The following TOP2B variants were observed in gnomAD, a reference collection of about 807,000 sequenced individuals.
TOP2B encodes the protein DNA topoisomerase II beta, also known as DNA topoisomerase 2-beta.
In TOP2B, 51 loss-of-function variants were observed where a neutral mutation model predicts 193.5. The observed-to-expected ratio is 0.26, with a 90% confidence interval of 0.21 to 0.33. The LOEUF (loss-of-function observed/expected upper bound fraction) is 0.33, where lower values mean the gene tolerates loss of function less well. Among genes scored for constraint, TOP2B ranks in the 10% least tolerant of loss-of-function variants. The pLI, the probability that TOP2B is intolerant of heterozygous loss-of-function variation, is 1.00. For missense variants in TOP2B, 1,378 were observed against 1,909.3 expected (o/e 0.72, Z 5.19); for synonymous variants, 634 against 635.7 (o/e 1.00, Z 0.04).
chr3:25,644,663 T>C (rs1180257727), intron 2 of TOP2B, among the ~76,000 whole-genome samples: 2 of 114,986 alleles, frequency 1.7e-5, no homozygotes, highest in Non-Finnish European at 3.4e-5. Context: ...ATCACACTAC[T>C]ACACTCCAGC....
intron 25 of TOP2B, among the ~76,000 whole-genome samples, chr3:25,617,836 T>C (rs1702544538): frequency 6.6e-6 from 1 of 152,216 alleles, no homozygotes; most frequent in Non-Finnish European, 1.5e-5. Context: ...TATTACTATT[T>C]TGTGATCTGC....
chr3:25,604,930 T>TC, intron 32 of TOP2B, 60 bp from the exon 33 acceptor site: 1 of 1,277,156 alleles, frequency 7.8e-7, no homozygotes, highest in South Asian at 1.2e-5. Flanking sequence ...TCAGTAAACT[T>TC]TGACTCTTTT....
chr3:25,660,932 A>G (rs962612019), intron 1 of TOP2B, among the ~76,000 whole-genome samples: 1 of 152,088 alleles, frequency 6.6e-6, no homozygotes, highest in Admixed American at 6.5e-5. Flanking sequence ...AGAGAAAGTG[A>G]TAAAATTCTA....
At chr3:25,627,885 C>T (rs1702848305) in intron 15 of TOP2B, among the ~76,000 whole-genome samples, 1 of 151,256 alleles carries the variant, frequency 6.6e-6, no homozygotes, top group Admixed American at 6.6e-5. Flanking sequence ...CCCTGGCCAA[C>T]ACAGCAAAAC....
chr3:25,617,011 G>T (rs1157839950), intron 25 of TOP2B, among the ~76,000 whole-genome samples: 1 of 151,888 alleles, frequency 6.6e-6, no homozygotes, highest in Non-Finnish European at 1.5e-5. Context: ...GGACACTCTT[G>T]TAAGAGCAGT....
chr3:25,618,907 AT>A lies in TOP2B; in HGVS notation c.3064-59del. The A allele has an allele frequency of 4.7e-6, 6 of 1,264,422 alleles. No homozygotes were observed. In the South Asian group the frequency reaches 1.0e-4, roughly 21 times the overall value. The allele number at this position is 1,264,422 out of a possible 1,614,324, so 78.3% of individuals were successfully genotyped here. ...TAGATCTGTACTGGTATTTTAACTT[AT>A]ATAACATCTACAATACTTAAAATAA... On this transcript the variant is annotated intron_variant, in intron 23 of 35. Coordinates refer to ENST00000264331, the MANE Select transcript of TOP2B (RefSeq NM_001330700.2).
chr3:25,624,651 GT>G, intron 19 of TOP2B, 30 bp downstream of exon 19: 1 of 1,609,736 alleles, frequency 6.2e-7, no homozygotes, highest in African/African-American at 1.3e-5. Context: ...AATAATTACA[GT>G]TCTCAATTGA....
intron 6 of TOP2B, among the ~76,000 whole-genome samples, chr3:25,636,778 G>C (rs991402807): frequency 6.6e-6 from 1 of 151,802 alleles, no homozygotes; most frequent in African/African-American, 2.4e-5. Context: ...GGTTGCTGGA[G>C]AGCAATAAAG....
At chr3:25,603,755 A>G (rs1037911516) in intron 33 of TOP2B, among the ~76,000 whole-genome samples, 2 of 152,250 alleles carry the variant, frequency 1.3e-5, no homozygotes, top group African/African-American at 4.8e-5. Flanking sequence ...GCTTAATTCC[A>G]TAAGAAATTT....
chr3:25,618,874 A>T, intron 23 of TOP2B, 25 bp from the exon 24 acceptor site: 1 of 1,522,018 alleles, frequency 6.6e-7, no homozygotes, highest in Non-Finnish European at 8.9e-7. Flanking sequence ...TATACTTTGC[A>T]GATCATATAG....
Position 25,633,859 on chromosome 3 carries a change from A to G in TOP2B, c.1008T>C (p.Asn336=), listed in dbSNP as rs376501583. ...EKGFQQISFV[N]SIATTKGGRH... Reference sequence around the variant, plus strand: ...TACTTACTTTTGTAGTTGCAATACTATTTACAAAGCTGATTTGCTGGAATC... The same window carrying G: ...TACTTACTTTTGTAGTTGCAATACTGTTTACAAAGCTGATTTGCTGGAATC... Residue 336 remains asparagine (N), a synonymous_variant, in exon 8 of 36, where the codon AAT becomes AAC. Coordinates refer to ENST00000264331, the MANE Select transcript of TOP2B (RefSeq NM_001330700.2). The G allele has an allele frequency of 1.2e-6, 2 of 1,611,590 alleles. No individual in the cohort carries two copies. The highest frequency in any genetic ancestry group is 8.5e-7 in the Non-Finnish European group (1 of 1,178,832).
At chr3:25,636,502 T>G (rs1456440191) in intron 6 of TOP2B, among the ~76,000 whole-genome samples, 3 of 152,112 alleles carry the variant, frequency 2.0e-5, no homozygotes, top group Admixed American at 6.6e-5. Context: ...GTGTATAGGT[T>G]ATATGCAAAT....
At position 25,619,848 on chromosome 3, in the gene TOP2B, A is replaced by G. The variant is rs774110587; in HGVS notation, c.3063+14T>C. The G allele has an allele frequency of 1.3e-6, 2 of 1,551,836 alleles. No homozygotes were observed. The highest frequency in any genetic ancestry group is 1.8e-6 in the Non-Finnish European group (2 of 1,124,728). On this transcript the variant is annotated intron_variant, in intron 23 of 35. Transcript: ENST00000264331. The stretch of plus-strand genomic sequence containing the variant: ...GCAAGAAAGATTAAATTAACAGTAA[A>G]TCTAATAAATTACCATGGAATTACA...
intron 1 of TOP2B, among the ~76,000 whole-genome samples, chr3:25,646,522 C>T (rs1703419935): frequency 6.6e-6 from 1 of 152,184 alleles, no homozygotes; most frequent in African/African-American, 2.4e-5. Context: ...TTCTCTCCTT[C>T]TGGGATTCCT....
Position 25,664,663 on chromosome 3 carries a change from G to T in TOP2B, c.-366C>A. 1.0e-6 allele frequency: 1 copy of T among 984,778 alleles called. No individual in the cohort carries two copies. Among genetic ancestry groups the T allele is most frequent in the Non-Finnish European group, 1.2e-6 (1 of 829,702 alleles). 61.0% of individuals were successfully genotyped at this position (984,778 alleles called of 1,614,324 possible). A position where few individuals can be genotyped will look rare whatever the true frequency, so the allele number is the denominator to read the frequency against. ...GCGTGCGAGCCGCGAGGGCGGCCGGGGAGCCCGAGGCGCTCGGACGTGGCG... is the reference window on the plus strand; with the variant it reads ...GCGTGCGAGCCGCGAGGGCGGCCGGTGAGCCCGAGGCGCTCGGACGTGGCG... On this transcript the variant is annotated 5_prime_UTR_variant, in exon 1 of 36. Transcript: ENST00000264331.
In TOP2B at chr3:25,624,696, A is replaced by G. The variant is rs1162333855; in HGVS notation, c.2332T>C (p.Tyr778His). The G allele has an allele frequency of 6.2e-7, 1 of 1,613,648 alleles. No homozygotes were observed. Among genetic ancestry groups the G allele is most frequent in the Non-Finnish European group, 8.5e-7 (1 of 1,179,770 alleles). Reference protein sequence around the residue: ...LAGSVAEMSAYHHGEQALMMT... With the variant: ...LAGSVAEMSAHHHGEQALMMT... ...TTAATGCTTACTTCTCCATGATGATAAGCCGACATCTCAGCAACAGAGCCA... is the reference window on the plus strand; with the variant it reads ...TTAATGCTTACTTCTCCATGATGATGAGCCGACATCTCAGCAACAGAGCCA... The change falls in exon 19 of 36, where the codon TAT becomes CAT. Residue 778 changes from tyrosine (Y) to histidine (H), a missense_variant. By Grantham distance (83) the Tyr-to-His change is moderately conservative. Coordinates refer to ENST00000264331, the MANE Select transcript of TOP2B (RefSeq NM_001330700.2).
At position 25,664,500 on chromosome 3, in the gene TOP2B, C is replaced by G; in HGVS notation, c.-203G>C. On this transcript the variant is annotated 5_prime_UTR_variant, in exon 1 of 36. Coordinates refer to ENST00000264331, the MANE Select transcript of TOP2B (RefSeq NM_001330700.2). ...GGCCGCGCCGCCGGCTGCCCTCAAACTCGAGGCGCGGCGTCCGCGTCGCCC... is the reference window on the plus strand; with the variant it reads ...GGCCGCGCCGCCGGCTGCCCTCAAAGTCGAGGCGCGGCGTCCGCGTCGCCC... The G allele has an allele frequency of 1.7e-6, 2 of 1,182,064 alleles. No individual in the cohort carries two copies. Among genetic ancestry groups the G allele is most frequent in the Non-Finnish European group, 2.1e-6 (2 of 957,116 alleles). The allele number at this position is 1,182,064 out of a possible 1,614,324, so 73.2% of individuals were successfully genotyped here. A position where few individuals can be genotyped will look rare whatever the true frequency, so the allele number is the denominator to read the frequency against.
intron 1 of TOP2B, among the ~76,000 whole-genome samples, chr3:25,663,776 AG>A (rs1335246100): frequency 6.6e-6 from 1 of 152,294 alleles, no homozygotes; most frequent in African/African-American, 2.4e-5. Context: ...TTGAGATTAA[AG>A]CCCCAGAAAG....
rs765906123 is a variant in TOP2B, at chr3:25,612,588, T to C, written c.3713A>G (p.Tyr1238Cys). Residue 1238 changes from tyrosine to cysteine, a missense_variant, in exon 28 of 36, where the codon TAT becomes TGT. Tyr to Cys is a radical substitution (Grantham distance 194, BLOSUM62 -2). This residue lies in a region of TOP2B where 556 missense variants were observed against 584.2 expected (regional missense o/e 0.95). Transcript: ENST00000264331. ...LQLEETMPSP[Y>C]GRRIIPEITA... ...AATTTCAGGAATTATTCTTCTGCCA[T>C]AAGGTGAGGGCATTGTCTCTTCCAA... 3.1e-6 allele frequency: 5 copies of C among 1,613,644 alleles called. No individual in the cohort carries two copies. Among genetic ancestry groups the C allele is most frequent in the Non-Finnish European group, 4.2e-6 (5 of 1,179,786 alleles).
Sources: allele counts gnomAD v4.1 joint callset (sites outside exome capture counted in the v4.1 genomes callset), GRCh38; gene constraint gnomAD v4.1.1; regional missense constraint gnomAD v4.1.1; transcripts MANE v1.5; gene names NCBI Gene and HGNC (gene_info 2026-07-23, HGNC 2026-07-21).